Variants in GNB2 observed in about 807,000 individuals in gnomAD.
GNB2 encodes the protein G protein subunit beta 2, also known as guanine nucleotide-binding protein G(I)/G(S)/G(T) subunit beta-2.
In GNB2, 7 loss-of-function variants were observed where a neutral mutation model predicts 40.7. The ratio of observed to expected loss-of-function variants is 0.17; its 90% CI spans 0.10 to 0.32. GNB2 has a LOEUF of 0.32. Ranked by LOEUF, GNB2 falls within the 10% of genes least tolerant of loss-of-function variation. The pLI, the probability that GNB2 is intolerant of heterozygous loss-of-function variation, is 1.00. For synonymous variants in GNB2, 254 were observed against 191.2 expected (o/e 1.33, Z -2.71); for missense variants, 286 against 473.0 (o/e 0.60, Z 3.67).
chr7:100,674,982 GA>G (rs962448974), intron 1 of GNB2, among the ~76,000 whole-genome samples: 1 of 152,186 alleles, frequency 6.6e-6, no homozygotes. Flanking sequence ...ACAAGGAGGG[GA>G]AATGTCAGTG....
At chr7:100,676,831 G>C (rs1361875396) in intron 4 of GNB2, 32 bp downstream of exon 4, 1 of 1,317,228 alleles carries the variant, frequency 7.6e-7, no homozygotes, top group South Asian at 1.3e-5. Context: ...GGCGCTGTGG[G>C]CCGACTTTCT....
chr7:100,676,594 G>C (rs546364360), intron 3 of GNB2, 21 bp downstream of exon 3: 72 of 1,602,184 alleles, frequency 4.5e-5, no homozygotes, highest in Non-Finnish European at 6.0e-5. Context: ...TTGGTGGCCA[G>C]AGCGTAACTA....
intron 4 of GNB2, 35 bp from the exon 5 acceptor site, chr7:100,677,317 C>T (rs1478234547): frequency 6.3e-7 from 1 of 1,577,208 alleles, no homozygotes; most frequent in Non-Finnish European, 8.7e-7. Flanking sequence ...GTTTTCACGC[C>T]ACCCTTCTGC....
At chr7:100,678,075 CTT>C in intron 7 of GNB2, 21 bp from the exon 8 acceptor site, 1 of 1,587,896 alleles carries the variant, frequency 6.3e-7, no homozygotes, top group Non-Finnish European at 8.6e-7. Context: ...CTTATCTTTT[CTT>C]TCTTCCTGTC....
At position 100,678,400 on chromosome 7, in the gene GNB2, C is replaced by G; in HGVS notation, c.702C>G (p.Phe234Leu). 1.9e-6 allele frequency: 3 copies of G among 1,612,944 alleles called. No individual in the cohort carries two copies. The highest frequency in any genetic ancestry group is 2.5e-6 in the Non-Finnish European group (3 of 1,179,616). ...GHESDINAVA[F>L]FPNGYAFTTG... Reference sequence around the variant, plus strand: ...CATCTGGGTCCCGTGTCCTGCAGTTCTTCCCCAACGGCTACGCCTTCACCA... The same window carrying G: ...CATCTGGGTCCCGTGTCCTGCAGTTGTTCCCCAACGGCTACGCCTTCACCA... Residue 234 changes from phenylalanine (F) to leucine (L), a missense_variant and splice_region_variant, in exon 9 of 10, where the codon TTC becomes TTG. Physicochemically the swap from Phe to Leu is conservative, Grantham distance 22. Transcript: ENST00000303210.
chr7:100,676,976 T>A lies in GNB2; in HGVS notation c.203+177T>A, dbSNP rs762850398. The A allele has an allele frequency of 7.4e-4, 446 of 600,764 alleles. 2 individuals are homozygous for A. Among genetic ancestry groups the A allele is most frequent in the Admixed American group, 3.6e-3 (122 of 33,754 alleles). The allele number at this position is 600,764 out of a possible 1,614,324, so 37.2% of individuals were successfully genotyped here. The stretch of plus-strand genomic sequence containing the variant: ...AGGCAGGACCATGCTGGTGAGAACT[T>A]GTGGGCTGCAGCTGGAGACTGTCTC... On this transcript the variant is annotated intron_variant, in intron 4 of 9. Coordinates refer to ENST00000303210, the MANE Select transcript of GNB2 (RefSeq NM_005273.4).
rs1479966902 is a variant in GNB2 at position 100,679,159 on chromosome 7, C to G, written c.*358C>G. On this transcript the variant is annotated 3_prime_UTR_variant, in exon 10 of 10. Transcript: ENST00000303210. ...CAGTTTTTCCATAAAGGAGCCAATT[C>G]CAACTCTGTACCTGGTCTCTGCCCT... 5.0e-6 allele frequency: 1 copy of G among 198,394 alleles called. No individual in the cohort carries two copies. Among genetic ancestry groups the G allele is most frequent in the African/African-American group, 2.3e-5 (1 of 42,734 alleles). The allele number at this position is 198,394 out of a possible 1,614,324, so 12.3% of individuals were successfully genotyped here.
In GNB2 at chr7:100,678,934, C is replaced by T. The variant is rs973370876; in HGVS notation, c.*133C>T. Reference sequence around the variant, plus strand: ...GGGCCTTGGGTCCCTGCCCTCCCACCCAGGTTTGGTTCCTCCCGGGGCCCC... The same window carrying T: ...GGGCCTTGGGTCCCTGCCCTCCCACTCAGGTTTGGTTCCTCCCGGGGCCCC... On this transcript the variant is annotated 3_prime_UTR_variant, in exon 10 of 10. Coordinates refer to ENST00000303210, the MANE Select transcript of GNB2 (RefSeq NM_005273.4). 1 of 690,656 alleles carries T rather than the reference C, an allele frequency of 1.4e-6. No homozygotes were observed. Among genetic ancestry groups the T allele is most frequent in the East Asian group, 2.7e-5 (1 of 36,646 alleles). The allele number at this position is 690,656 out of a possible 1,614,324, so 42.8% of individuals were successfully genotyped here.
chr7:100,678,955 G>C lies in GNB2; in HGVS notation c.*154G>C, dbSNP rs556907308. 2 of 625,024 alleles carry C rather than the reference G, an allele frequency of 3.2e-6. No homozygotes were observed. The highest frequency in any genetic ancestry group is 5.5e-5 in the East Asian group (2 of 36,316). 38.7% of individuals were successfully genotyped at this position (625,024 alleles called of 1,614,324 possible). A position where few individuals can be genotyped will look rare whatever the true frequency, so the allele number is the denominator to read the frequency against. ...CCACCCAGGTTTGGTTCCTCCCGGG[G>C]CCCCCACTGTGGAGATAAGAAGGGG... On this transcript the variant is annotated 3_prime_UTR_variant, in exon 10 of 10. Transcript: ENST00000303210.
At chr7:100,676,081 T>A in intron 1 of GNB2, 96 bp from the exon 2 acceptor site, 2 of 480,810 alleles carry the variant, frequency 4.2e-6, no homozygotes, top group Non-Finnish European at 7.3e-6. Context: ...CCCTTCCCCC[T>A]CCCCTTGCTT....
Position 100,678,215 on chromosome 7 carries a change from T to C in GNB2, c.615T>C (p.Asp205=). The stretch of plus-strand genomic sequence containing the variant: ...GCACGTTTGTGTCAGGCGCCTGTGA[T>C]GCCTCTATCAAGCTGTGGGACGTGC... ...DGRTFVSGAC[D]ASIKLWDVRD... The change falls in exon 8 of 10, where the codon GAT becomes GAC. Residue 205 remains aspartate (D), a synonymous_variant. Transcript: ENST00000303210. The C allele has an allele frequency of 1.2e-6, 2 of 1,613,972 alleles. No individual in the cohort carries two copies. The highest frequency in any genetic ancestry group is 2.2e-5 in the East Asian group (1 of 44,868).
At chr7:100,677,716 C>G (rs1426585283) in intron 6 of GNB2, 36 bp from the exon 7 acceptor site, 8 of 1,612,678 alleles carry the variant, frequency 5.0e-6, no homozygotes, top group Non-Finnish European at 6.8e-6. Context: ...GCACTGCCCT[C>G]CGTGTGGAGA....
At position 100,679,061 on chromosome 7, in the gene GNB2, C is replaced by G. The variant is rs959560733; in HGVS notation, c.*260C>G. On this transcript the variant is annotated 3_prime_UTR_variant, in exon 10 of 10. Transcript: ENST00000303210. ...TTGGGGCCTCACCCCTCTGGAGGGC[C>G]GGAGGCAGGAGGTGGAAACCCCAGG... 4.5e-6 allele frequency: 2 copies of G among 443,966 alleles called. No homozygotes were observed. The highest frequency in any genetic ancestry group is 6.6e-5 in the East Asian group (2 of 30,278). 27.5% of individuals were successfully genotyped at this position (443,966 alleles called of 1,614,324 possible).
In GNB2 at chr7:100,678,836, G is replaced by A. The variant is rs772869627; in HGVS notation, c.*35G>A. On this transcript the variant is annotated 3_prime_UTR_variant, in exon 10 of 10. Transcript: ENST00000303210. The stretch of plus-strand genomic sequence containing the variant: ...CCCCACTGGGCCCAGGCCAGGAGGG[G>A]CCCTGCCCATGCCCACACTACAGGC... The A allele has an allele frequency of 4.2e-5, 63 of 1,510,784 alleles. No individual in the cohort carries two copies. Among genetic ancestry groups the A allele is most frequent in the Non-Finnish European group, 5.2e-5 (57 of 1,087,616 alleles). The allele number at this position is 1,510,784 out of a possible 1,614,324, so 93.6% of individuals were successfully genotyped here. A position where few individuals can be genotyped will look rare whatever the true frequency, so the allele number is the denominator to read the frequency against.
intron 1 of GNB2, among the ~76,000 whole-genome samples, chr7:100,674,339 T>C (rs1804305760): frequency 1.4e-5 from 2 of 142,978 alleles, no homozygotes; most frequent in Non-Finnish European, 3.0e-5. Context: ...CTTGCACAAC[T>C]CCAAAATCGG....
rs1804344424 is a variant in GNB2 at position 100,676,282 on chromosome 7, A to G, written c.17A>G (p.Gln6Arg). ...CCCGGCGCCATGAGTGAGCTGGAGC[A>G]ACTGAGACAGGAGGCCGAGCAGCTC... MSELEQLRQEAEQLRN... is the reference protein window; with the variant it reads MSELERLRQEAEQLRN... The change falls in exon 2 of 10, where the codon CAA becomes CGA. Residue 6 changes from glutamine (Q) to arginine (R), a missense_variant. Coordinates refer to ENST00000303210, the MANE Select transcript of GNB2 (RefSeq NM_005273.4). The G allele has an allele frequency of 1.9e-6, 3 of 1,607,828 alleles. No individual in the cohort carries two copies. The highest frequency in any genetic ancestry group is 2.5e-6 in the Non-Finnish European group (3 of 1,177,816).
Position 100,677,512 on chromosome 7 carries a change from G to T in GNB2, c.282G>T (p.Pro94=), listed in dbSNP as rs367658010. 2 of 1,613,346 alleles carry T rather than the reference G, an allele frequency of 1.2e-6. No individual in the cohort carries two copies. Among genetic ancestry groups the T allele is most frequent in the African/African-American group, 1.3e-5 (1 of 74,942 alleles). ...CTGCTCCGCAGGTCCACGCCATCCC[G>T]CTGCGCTCCTCCTGGGTAATGACCT... ...SYTTNKVHAI[P]LRSSWVMTCA... The change falls in exon 6 of 10, where the codon CCG becomes CCT. Residue 94 remains proline (P), a synonymous_variant. Transcript: ENST00000303210.
Position 100,678,783 on chromosome 7 carries a change from C to T in GNB2, c.1005C>T (p.Phe335=). 3.7e-6 allele frequency: 6 copies of T among 1,612,670 alleles called. No homozygotes were observed. Among genetic ancestry groups the T allele is most frequent in the Non-Finnish European group, 5.1e-6 (6 of 1,179,106 alleles). Residue 335 remains phenylalanine (F), a synonymous_variant, in exon 10 of 10, where the codon TTC becomes TTT. Coordinates refer to ENST00000303210, the MANE Select transcript of GNB2 (RefSeq NM_005273.4). ...MAVATGSWDS[F]LKIWN is the part of the protein sequence containing the mutation. Reference sequence around the variant, plus strand: ...TGGCCACGGGCTCCTGGGACTCCTTCCTCAAGATCTGGAACTAATGGCCCC... The same window carrying T: ...TGGCCACGGGCTCCTGGGACTCCTTTCTCAAGATCTGGAACTAATGGCCCC...
At chr7:100,677,929 G>A (rs921568629) in intron 7 of GNB2, 111 bp downstream of exon 7, 4 of 1,056,596 alleles carry the variant, frequency 3.8e-6, no homozygotes, top group Non-Finnish European at 5.7e-6. Context: ...CTCTCCTGGT[G>A]GGCGCTAAGG....
Sources: allele counts gnomAD v4.1 joint callset (sites outside exome capture counted in the v4.1 genomes callset), GRCh38; gene constraint gnomAD v4.1.1; transcripts MANE v1.5; gene names NCBI Gene and HGNC (gene_info 2026-07-23, HGNC 2026-07-21).